CEP63: variants seen among roughly 807,000 people sequenced by gnomAD.
CEP63 encodes centrosomal protein of 63 kDa.
Under a neutral mutation model 89.1 loss-of-function variants are expected in CEP63, and 84 were observed. The ratio of observed to expected loss-of-function variants is 0.94; its 90% CI spans 0.79 to 1.13. CEP63 has a LOEUF of 1.13. Ranked by LOEUF, CEP63 falls within the 50% of genes most tolerant of loss-of-function variation. The probability of loss-of-function intolerance (pLI) is 0.00; values close to 1 mark genes in which losing one functional copy is unlikely to be tolerated. For synonymous variants in CEP63, 267 were observed against 272.5 expected, an observed-to-expected ratio of 0.98 and a Z score of 0.20; for missense variants, 838 against 813.3, an observed-to-expected ratio of 1.03 and a Z score of -0.37.
the CEP63 span, among the ~76,000 whole-genome samples, chr3:134,668,078 C>T: frequency 5.3e-5 from 8 of 152,290 alleles, no homozygotes; most frequent in African/African-American, 1.9e-4. Flanking sequence ...CAGCATGCCT[C>T]ATGCTCCGAC....
the CEP63 span, among the ~76,000 whole-genome samples, chr3:134,604,646 C>T: frequency 6.6e-6 from 1 of 152,222 alleles, no homozygotes. Context: ...AATATGACTT[C>T]ACTGAGCATG....
rs527332483 is a variant in CEP63 at position 134,500,024 on chromosome 3, C to T, written c.44+4660C>T. The stretch of plus-strand genomic sequence containing the variant: ...TATTTTTGGTAGAGATGGGATTTCG[C>T]CATGTTGGCCAGGCTGGTCTCGAAC... On this transcript the variant is annotated intron_variant, in intron 2 of 14. Coordinates refer to ENST00000675561, the MANE Select transcript of CEP63 (RefSeq NM_001353108.3). Among the ~76,000 whole-genome samples, 6 of 151,930 alleles carry T rather than the reference C, an allele frequency of 3.9e-5. No individual in the cohort carries two copies. In the East Asian group the frequency reaches 1.2e-3, roughly 29 times the overall value.
At chr3:134,682,914 C>T in the CEP63 span, among the ~76,000 whole-genome samples, 1 of 152,158 alleles carries the variant, frequency 6.6e-6, no homozygotes, top group Non-Finnish European at 1.5e-5. Context: ...GACTTGGAGT[C>T]TTGAGTGACA....
chr3:134,725,278 A>C, the CEP63 span, among the ~76,000 whole-genome samples: 1 of 152,172 alleles, frequency 6.6e-6, no homozygotes. Flanking sequence ...TTCATTTTGC[A>C]CCTAATTTGG....
intron 3 of CEP63, among the ~76,000 whole-genome samples, chr3:134,526,282 G>A (rs971081416): frequency 6.6e-6 from 1 of 151,954 alleles, no homozygotes; most frequent in Non-Finnish European, 1.5e-5. Flanking sequence ...GCTCTATCAG[G>A]TTGGTCATAT....
At chr3:134,539,839 T>A (rs1324332553) in intron 6 of CEP63, among the ~76,000 whole-genome samples, 1 of 152,204 alleles carries the variant, frequency 6.6e-6, no homozygotes, top group East Asian at 1.9e-4. Context: ...CATGCTTATT[T>A]TAGAAAAATG....
At chr3:134,663,942 G>A in the CEP63 span, among the ~76,000 whole-genome samples, 1 of 152,228 alleles carries the variant, frequency 6.6e-6, no homozygotes, top group African/African-American at 2.4e-5. Flanking sequence ...CCAGAAGGGA[G>A]GGTAGGATGG....
chr3:134,659,644 G>A, the CEP63 span, among the ~76,000 whole-genome samples: 1 of 152,226 alleles, frequency 6.6e-6, no homozygotes, highest in Non-Finnish European at 1.5e-5. Flanking sequence ...GGCAGTGAGT[G>A]CTCCTAGTGG....
At chr3:134,582,229 T>A (rs1958374723) in intron 10 of CEP63, among the ~76,000 whole-genome samples, 1 of 152,116 alleles carries the variant, frequency 6.6e-6, no homozygotes, top group Non-Finnish European at 1.5e-5. Context: ...GTGCACAACG[T>A]GCAGATCTGC....
the CEP63 span, among the ~76,000 whole-genome samples, chr3:134,715,518 TTTTTTTTTTG>T: frequency 1.1e-5 from 1 of 91,408 alleles, no homozygotes; most frequent in Admixed American, 1.6e-4. Context: ...AGGAAAGGTT[TTTTTTTTTTG>T]TTTTTTTTTG....
At chr3:134,721,503 T>C in the CEP63 span, among the ~76,000 whole-genome samples, 1 of 152,084 alleles carries the variant, frequency 6.6e-6, no homozygotes, top group African/African-American at 2.4e-5. Flanking sequence ...CCAGTACATG[T>C]TAAATAGAAG....
chr3:134,609,908 A>T, the CEP63 span, among the ~76,000 whole-genome samples: 16 of 152,182 alleles, frequency 1.1e-4, no homozygotes, highest in African/African-American at 3.9e-4. Flanking sequence ...ACCTTTCCTC[A>T]TGTGTGGTCT....
the CEP63 span, among the ~76,000 whole-genome samples, chr3:134,601,996 T>A: frequency 1.6e-5 from 1 of 63,878 alleles, no homozygotes; most frequent in Non-Finnish European, 3.4e-5. Context: ...TGTGAGCATT[T>A]GTTGGATACA....
At chr3:134,539,615 G>A (rs1951574342) in intron 6 of CEP63, among the ~76,000 whole-genome samples, 1 of 152,044 alleles carries the variant, frequency 6.6e-6, no homozygotes, top group Admixed American at 6.6e-5. Context: ...GCATTTGGTT[G>A]AAAGGTGGGT....
chr3:134,620,003 G>A, the CEP63 span: 1 of 152,284 alleles, frequency 6.6e-6, no homozygotes, highest in Non-Finnish European at 1.5e-5. Context: ...TGTTCCAGAA[G>A]AATAAAAGAA....
chr3:134,659,041 A>C, the CEP63 span, among the ~76,000 whole-genome samples: 1 of 152,192 alleles, frequency 6.6e-6, no homozygotes, highest in Non-Finnish European at 1.5e-5. Flanking sequence ...ATAATGTGCA[A>C]GTGTGGGAAG....
the CEP63 span, among the ~76,000 whole-genome samples, chr3:134,658,171 C>G: frequency 1.3e-5 from 2 of 151,974 alleles, no homozygotes; most frequent in South Asian, 2.1e-4. Flanking sequence ...GCTGGGATTA[C>G]AGGCATGAGC....
intron 11 of CEP63, among the ~76,000 whole-genome samples, chr3:134,571,447 C>T (rs551597064): frequency 1.2e-4 from 18 of 152,106 alleles, no homozygotes; most frequent in South Asian, 4.1e-4. Flanking sequence ...TTTGGGAGAC[C>T]GAGGCAGGTG....
chr3:134,633,075 C>T, the CEP63 span, among the ~76,000 whole-genome samples: 1 of 152,014 alleles, frequency 6.6e-6, no homozygotes, highest in East Asian at 1.9e-4. Context: ...AAGCAGATAA[C>T]CTAAGTATTC....
Sources: allele counts gnomAD v4.1 joint callset (sites outside exome capture counted in the v4.1 genomes callset), GRCh38; gene constraint gnomAD v4.1.1; transcripts MANE v1.5; gene names NCBI Gene and HGNC (gene_info 2026-07-23, HGNC 2026-07-21).